Variants in SCFD2 observed in about 807,000 individuals in gnomAD.
SCFD2 encodes sec1 family domain-containing protein 2.
In SCFD2, 54 loss-of-function variants were observed where a neutral mutation model predicts 58.9. The observed-to-expected ratio is 0.92, with a 90% CI of 0.74 to 1.15. The LOEUF is 1.15. Ranked by LOEUF, SCFD2 falls within the 50% of genes most tolerant of loss-of-function variation. The pLI, the probability that SCFD2 is intolerant of heterozygous loss-of-function variation, is 0.00. For missense variants in SCFD2, 805 were observed against 836.6 expected (o/e 0.96, Z 0.47); for synonymous variants, 321 against 335.9 (o/e 0.96, Z 0.49).
intron 4 of SCFD2, among the ~76,000 whole-genome samples, chr4:53,219,543 C>T (rs1728982700): frequency 6.6e-6 from 1 of 152,152 alleles, no homozygotes; most frequent in South Asian, 2.1e-4. Flanking sequence ...TCACTGCTTT[C>T]CATGTCTAGG....
At chr4:53,019,256 TTATAA>T (rs1722289240) in intron 5 of SCFD2, among the ~76,000 whole-genome samples, 1 of 152,184 alleles carries the variant, frequency 6.6e-6, no homozygotes, top group Admixed American at 6.5e-5. Context: ...ATAGTAAATC[TTATAA>T]TACAACATTA....
chr4:53,313,728 A>T lies in SCFD2; in HGVS notation c.1043T>A (p.Leu348Gln). 1 of 1,614,090 alleles carries T rather than the reference A, an allele frequency of 6.2e-7. No homozygotes were observed. The highest frequency in any genetic ancestry group is 8.5e-7 in the Non-Finnish European group (1 of 1,179,948). Residue 348 changes from leucine (L) to glutamine (Q), a missense_variant, in exon 3 of 9, where the codon CTG becomes CAG. Coordinates refer to ENST00000401642, the MANE Select transcript of SCFD2 (RefSeq NM_152540.4). ...CACTGCCTCTTTGTGCTTAGTGTTC[A>T]GTAAAGCTTCCCATAGGGCTTTGGC... ...TTAKALWEAL[L>Q]NTKHKEAVME...
intron 6 of SCFD2, among the ~76,000 whole-genome samples, chr4:52,917,640 C>G (rs552773432): frequency 1.3e-5 from 2 of 152,288 alleles, no homozygotes; most frequent in Admixed American, 1.3e-4. Flanking sequence ...CCATTGCCCC[C>G]ACTCTCCAGG....
intron 5 of SCFD2, among the ~76,000 whole-genome samples, chr4:53,127,152 T>C (rs1725652683): frequency 6.6e-6 from 1 of 152,244 alleles, no homozygotes; most frequent in East Asian, 1.9e-4. Flanking sequence ...TGATTTGTTT[T>C]CATTTCATGA....
intron 5 of SCFD2, among the ~76,000 whole-genome samples, chr4:53,083,519 A>G (rs1724211331): frequency 1.3e-5 from 2 of 152,220 alleles, no homozygotes; most frequent in Admixed American, 6.5e-5. Context: ...GCAGGTCAGT[A>G]TCTCTGATAA....
chr4:53,216,535 C>G (rs1560390929), intron 4 of SCFD2, among the ~76,000 whole-genome samples: 1 of 152,118 alleles, frequency 6.6e-6, no homozygotes, highest in African/African-American at 2.4e-5. Flanking sequence ...ATTCTTCTCT[C>G]TTTTTTTCTT....
At chr4:53,193,118 C>G (rs898399776) in intron 4 of SCFD2, among the ~76,000 whole-genome samples, 1 of 152,102 alleles carries the variant, frequency 6.6e-6, no homozygotes, top group Non-Finnish European at 1.5e-5. Flanking sequence ...ACTTTAAGGT[C>G]AGCCAAATAA....
intron 5 of SCFD2, among the ~76,000 whole-genome samples, chr4:52,966,741 A>G (rs1720970905): frequency 6.6e-6 from 1 of 152,222 alleles, no homozygotes; most frequent in South Asian, 2.1e-4. Context: ...TAAGTCTGGT[A>G]CTTTTTTTTA....
intron 4 of SCFD2, among the ~76,000 whole-genome samples, chr4:53,146,224 G>C (rs899228016): frequency 6.6e-6 from 1 of 152,084 alleles, no homozygotes; most frequent in African/African-American, 2.4e-5. Context: ...ACAACTTCTC[G>C]AGTGATATTT....
chr4:52,927,986 G>C (rs1719900766), intron 5 of SCFD2, among the ~76,000 whole-genome samples: 2 of 152,034 alleles, frequency 1.3e-5, no homozygotes, highest in South Asian at 4.2e-4. Context: ...CCAGGCACTT[G>C]TATCTGTCAT....
intron 8 of SCFD2, among the ~76,000 whole-genome samples, chr4:52,882,681 T>C (rs1222950016): frequency 3.3e-5 from 5 of 152,214 alleles, no homozygotes; most frequent in East Asian, 1.9e-4. Flanking sequence ...CCCTTGAACA[T>C]TGAACTGCAA....
At chr4:52,987,255 A>G (rs1307014994) in intron 5 of SCFD2, among the ~76,000 whole-genome samples, 3 of 152,000 alleles carry the variant, frequency 2.0e-5, no homozygotes, top group Non-Finnish European at 4.4e-5. Context: ...TGTCCTCGTG[A>G]TCCGCCCGCC....
At chr4:52,985,049 T>G (rs1721457355) in intron 5 of SCFD2, among the ~76,000 whole-genome samples, 1 of 152,218 alleles carries the variant, frequency 6.6e-6, no homozygotes, top group East Asian at 1.9e-4. Flanking sequence ...ACATGGGTAT[T>G]TAAAAACACA....
chr4:53,265,703 G>C (rs1730964951), intron 4 of SCFD2: 1 of 152,032 alleles, frequency 6.6e-6, no homozygotes, highest in Admixed American at 6.6e-5. Context: ...TTTATAATAA[G>C]TGGTATAAAC....
At chr4:53,021,692 T>C (rs1021528844) in intron 5 of SCFD2, among the ~76,000 whole-genome samples, 3 of 152,038 alleles carry the variant, frequency 2.0e-5, no homozygotes, top group East Asian at 3.8e-4. Context: ...GATTTGAAGA[T>C]GTGGGAGAGA....
chr4:53,182,895 T>C (rs1427500773), intron 4 of SCFD2, among the ~76,000 whole-genome samples: 1 of 151,338 alleles, frequency 6.6e-6, no homozygotes, highest in African/African-American at 2.4e-5. Flanking sequence ...AAAAAACACA[T>C]GAAAAAATGC....
chr4:53,302,313 A>G (rs1159481547), intron 3 of SCFD2, among the ~76,000 whole-genome samples: 1 of 152,020 alleles, frequency 6.6e-6, no homozygotes, highest in Non-Finnish European at 1.5e-5. Flanking sequence ...AATAACAGAC[A>G]AACAGATAGC....
intron 4 of SCFD2, among the ~76,000 whole-genome samples, chr4:53,202,795 A>G (rs1728289884): frequency 6.6e-6 from 1 of 152,034 alleles, no homozygotes; most frequent in Non-Finnish European, 1.5e-5. Flanking sequence ...GCAATTGTGA[A>G]TGGGAGTTCA....
chr4:53,139,013 G>C (rs1254282396), intron 5 of SCFD2, among the ~76,000 whole-genome samples: 1 of 152,160 alleles, frequency 6.6e-6, no homozygotes, highest in South Asian at 2.1e-4. Flanking sequence ...TGGGATTGCA[G>C]GTGCGCGCCG....
Sources: allele counts gnomAD v4.1 joint callset (sites outside exome capture counted in the v4.1 genomes callset), GRCh38; gene constraint gnomAD v4.1.1; transcripts MANE v1.5; gene names NCBI Gene and HGNC (gene_info 2026-07-23, HGNC 2026-07-21).